Variants in CASS4 observed in about 807,000 individuals in gnomAD.
CASS4 encodes the protein Cas scaffold protein family member 4.
In CASS4, 22 loss-of-function variants were observed where a neutral mutation model predicts 54.2. The ratio of observed to expected loss-of-function variants is 0.41; its 90% confidence interval spans 0.29 to 0.58. The LOEUF (loss-of-function observed/expected upper bound fraction) is 0.58, where lower values mean the gene tolerates loss of function less well. Among genes scored for constraint, CASS4 ranks in the 20% least tolerant of loss-of-function variants. The probability of loss-of-function intolerance (pLI) is 0.36; values close to 1 mark genes in which losing one functional copy is unlikely to be tolerated. For missense variants in CASS4, 854 were observed against 986.7 expected (o/e 0.87, Z 1.80); for synonymous variants, 409 against 391.5 (o/e 1.04, Z -0.53).
chr20:56,412,547 G>T lies in CASS4; in HGVS notation c.36+53G>T. 6.3e-7 allele frequency: 1 copy of T among 1,578,062 alleles called. No homozygotes were observed. The highest frequency in any genetic ancestry group is 8.7e-7 in the Non-Finnish European group (1 of 1,155,876). On this transcript the variant is annotated intron_variant, in intron 1 of 5. Transcript: ENST00000679887. This position sits in a 1 kb window ranked among gnomAD's most constrained non-coding sequence, Gnocchi z 4.2. ...GCTCTGGCGGGGAGCAAGCTGTGAT[G>T]ATTAAGGGTGTTGACCAGCTTTAGT...
At chr20:56,432,406 C>T (rs1215781956) in intron 1 of CASS4, among the ~76,000 whole-genome samples, 3 of 127,714 alleles carry the variant, frequency 2.3e-5, no homozygotes, top group African/African-American at 8.8e-5. Context: ...CTCACTTCCT[C>T]ACCCAGGCTG....
intron 5 of CASS4, 60 bp downstream of exon 5, chr20:56,453,189 C>A: frequency 1.6e-6 from 2 of 1,225,726 alleles, no homozygotes; most frequent in Non-Finnish European, 2.3e-6. Context: ...GGAGTAGTGG[C>A]TACTAAGATG....
chr20:56,417,875 T>G (rs534084611), intron 1 of CASS4, among the ~76,000 whole-genome samples: 4 of 152,342 alleles, frequency 2.6e-5, no homozygotes, highest in African/African-American at 7.2e-5. Context: ...GGTCAGATGT[T>G]GCCTTAGATG....
chr20:56,422,511 C>T (rs144580872), intron 1 of CASS4, among the ~76,000 whole-genome samples: 6 of 152,310 alleles, frequency 3.9e-5, no homozygotes, highest in Admixed American at 3.3e-4. Context: ...TAAAGCATGT[C>T]GATCTGGGTA....
At chr20:56,429,346 C>A (rs1034964315) in intron 1 of CASS4, among the ~76,000 whole-genome samples, 1 of 152,176 alleles carries the variant, frequency 6.6e-6, no homozygotes, top group African/African-American at 2.4e-5. Flanking sequence ...AAGTTGCATC[C>A]AGTCCTTCAC....
At chr20:56,444,920 G>A (rs554950056) in intron 2 of CASS4, among the ~76,000 whole-genome samples, 6 of 152,258 alleles carry the variant, frequency 3.9e-5, no homozygotes, top group Admixed American at 2.0e-4. Flanking sequence ...AGACCAGCCC[G>A]ACCAATATGG....
chr20:56,425,593 T>A (rs142458274), intron 1 of CASS4, among the ~76,000 whole-genome samples: 6 of 152,308 alleles, frequency 3.9e-5, no homozygotes, highest in Non-Finnish European at 8.8e-5. Context: ...GGACTCAAAG[T>A]CAAAATTCCT....
chr20:56,438,817 A>G (rs1980320346), intron 2 of CASS4, among the ~76,000 whole-genome samples: 1 of 152,240 alleles, frequency 6.6e-6, no homozygotes, highest in Non-Finnish European at 1.5e-5. Context: ...AGATCGCACC[A>G]TTGCTCCCCA....
At chr20:56,451,795 C>A in intron 4 of CASS4, 24 bp from the exon 5 acceptor site, 3 of 1,573,196 alleles carry the variant, frequency 1.9e-6, no homozygotes, top group Non-Finnish European at 2.6e-6. Flanking sequence ...ACTAACCCGG[C>A]AACTATGTGT....
chr20:56,413,235 A>T (rs891116154), intron 1 of CASS4, among the ~76,000 whole-genome samples: 1 of 152,084 alleles, frequency 6.6e-6, no homozygotes, highest in Non-Finnish European at 1.5e-5. Context: ...TTACCCAGAC[A>T]TAAAGAAAGT....
chr20:56,452,566 A>G lies in CASS4; in HGVS notation c.1390A>G (p.Arg464Gly), dbSNP rs376814976. The G allele has an allele frequency of 7.4e-6, 12 of 1,614,080 alleles. No individual in the cohort carries two copies. The African/African-American group carries it at 1.5e-4, about 20-fold the overall frequency. Residue 464 changes from arginine (R) to glycine (G), a missense_variant, in exon 5 of 6, where the codon AGG becomes GGG. Arg to Gly is a moderately radical substitution (Grantham distance 125). Transcript: ENST00000679887. Reference sequence around the variant, plus strand: ...CGCTGGCCTGATGCTCTTTGTCAGCAGGAAGTGGAGATTCCGAGACTATCT... The same window carrying G: ...CGCTGGCCTGATGCTCTTTGTCAGCGGGAAGTGGAGATTCCGAGACTATCT... ...SVAGLMLFVS[R>G]KWRFRDYLEA...
At position 56,437,539 on chromosome 20, in the gene CASS4, A is replaced by T. The variant is rs1254434665; in HGVS notation, c.412A>T (p.Thr138Ser). The T allele has an allele frequency of 6.4e-7, 1 of 1,567,856 alleles. No homozygotes were observed. The highest frequency in any genetic ancestry group is 8.6e-7 in the Non-Finnish European group (1 of 1,158,430). ...AGTCTATGAATTCCCCGACCCTCCC[A>T]CCAGTGCCAGAATCATCTGTGAAAA... ...AQVYEFPDPP[T>S]SARIICEKTL... The change falls in exon 2 of 6, where the codon ACC becomes TCC. Residue 138 changes from threonine to serine, a missense_variant. Coordinates refer to ENST00000679887, the MANE Select transcript of CASS4 (RefSeq NM_020356.4). The surrounding 1 kb of genome is among the most constrained non-coding windows in gnomAD (Gnocchi z 4.7).
chr20:56,412,099 G>C (rs751606769), upstream of CASS4: 1 of 312,386 alleles, frequency 3.2e-6, no homozygotes, highest in Non-Finnish European at 6.1e-6. This position sits in a 1 kb window ranked among gnomAD's most constrained non-coding sequence, Gnocchi z 4.2. Context: ...TAGGAACTTC[G>C]CCCTATAAAG....
chr20:56,440,501 A>G (rs891135333), intron 2 of CASS4, among the ~76,000 whole-genome samples: 5 of 152,154 alleles, frequency 3.3e-5, no homozygotes, highest in African/African-American at 1.2e-4. Context: ...ATCCACAGAA[A>G]AGGCTGGCAA....
chr20:56,434,777 G>A (rs1317208261), intron 1 of CASS4, among the ~76,000 whole-genome samples: 3 of 152,158 alleles, frequency 2.0e-5, no homozygotes, highest in East Asian at 3.9e-4. Flanking sequence ...AAAAAAAGCA[G>A]ATTATAAAAT....
intron 2 of CASS4, among the ~76,000 whole-genome samples, chr20:56,441,635 G>A (rs1377389068): frequency 6.6e-6 from 1 of 152,020 alleles, no homozygotes; most frequent in East Asian, 1.9e-4. Flanking sequence ...TTAATTTCTT[G>A]CCTTCTCTGT....
In CASS4 at chr20:56,458,823, G is replaced by A; in HGVS notation, c.*76G>A. 7.1e-7 allele frequency: 1 copy of A among 1,405,728 alleles called. No individual in the cohort carries two copies. Among genetic ancestry groups the A allele is most frequent in the Non-Finnish European group, 9.5e-7 (1 of 1,049,178 alleles). The allele number at this position is 1,405,728 out of a possible 1,614,324, so 87.1% of individuals were successfully genotyped here. A position where few individuals can be genotyped will look rare whatever the true frequency, so the allele number is the denominator to read the frequency against. ...CAACTTGTGCAACTCTGCCCTATGG[G>A]AAAAGCCAGCCGGGGCATACACCAA... On this transcript the variant is annotated 3_prime_UTR_variant, in exon 6 of 6. Transcript: ENST00000679887.
chr20:56,450,610 G>A lies in CASS4; in HGVS notation c.573G>A (p.Lys191=). 1 of 1,614,144 alleles carries A rather than the reference G, an allele frequency of 6.2e-7. No homozygotes were observed. The highest frequency in any genetic ancestry group is 1.1e-5 in the South Asian group (1 of 91,078). The change falls in exon 4 of 6, where the codon AAG becomes AAA. Residue 191 remains lysine (K), a synonymous_variant. Coordinates refer to ENST00000679887, the MANE Select transcript of CASS4 (RefSeq NM_020356.4). ...TGGTCTTTCCCCAGGAGCCAGAGAA[G>A]CAGCAGTTATATGACATACCAGCCA... The part of the protein sequence containing the change: ...RGPVVLKEPE[K]QQLYDIPASP...
At position 56,453,032 on chromosome 20, in the gene CASS4, C is replaced by T. The variant is rs6069754; in HGVS notation, c.1856C>T (p.Thr619Ile). ...EKYIQPPQRETESHQKSTPST... is the reference protein window; with the variant it reads ...EKYIQPPQREIESHQKSTPST... Reference sequence around the variant, plus strand: ...TACATCCAGCCTCCCCAAAGAGAAACTGAATCACACCAAAAGAGTACCCCT... The same window carrying T: ...TACATCCAGCCTCCCCAAAGAGAAATTGAATCACACCAAAAGAGTACCCCT... The change falls in exon 5 of 6, where the codon ACT (threonine) becomes ATT (isoleucine). Residue 619 changes from threonine (T) to isoleucine (I), a missense_variant. Thr to Ile is a moderately conservative substitution (Grantham distance 89). Transcript: ENST00000679887. 8.1e-6 allele frequency: 13 copies of T among 1,614,088 alleles called. 1 individual carries two copies. Among genetic ancestry groups the T allele is most frequent in the South Asian group, 7.7e-5 (7 of 91,086 alleles).
Sources: gnomAD v4.1 joint callset for allele counts (sites outside exome capture counted in the v4.1 genomes callset) on GRCh38, gnomAD v4.1.1 for gene constraint, Gnocchi (gnomAD v3.1) non-coding constraint, MANE v1.5 for transcripts, NCBI Gene and HGNC (gene_info 2026-07-23, HGNC 2026-07-21) for gene names.